SLC25A26: variants seen among roughly 807,000 people sequenced by gnomAD.
The protein encoded by SLC25A26 is mitochondrial S-adenosylmethionine carrier protein.
SLC25A26 carries 36 observed loss-of-function variants against 37.8 expected under a neutral mutation model. That is an observed-to-expected ratio of 0.95 (90% CI 0.73 to 1.26). SLC25A26 has a LOEUF of 1.26. Among genes scored for constraint, SLC25A26 ranks in the 50% most tolerant of loss-of-function variants. The probability of loss-of-function intolerance (pLI) is 0.00; values close to 1 mark genes in which losing one functional copy is unlikely to be tolerated. For synonymous variants in SLC25A26, 129 were observed against 122.5 expected, an observed-to-expected ratio of 1.05 and a Z score of -0.35; for missense variants, 390 against 331.1, an observed-to-expected ratio of 1.18 and a Z score of -1.38.
chr3:66,245,338 C>G (rs2072783456), intron 3 of SLC25A26, among the ~76,000 whole-genome samples: 1 of 151,316 alleles, frequency 6.6e-6, no homozygotes, highest in East Asian at 1.9e-4. Context: ...CCCTCATTAA[C>G]TTATCTTTCT....
At chr3:66,167,457 G>T (rs1173815465) in intron 1 of SLC25A26, among the ~76,000 whole-genome samples, 1 of 152,208 alleles carries the variant, frequency 6.6e-6, no homozygotes, top group Non-Finnish European at 1.5e-5. Flanking sequence ...TCTGGATCTA[G>T]CCAGACCTGA....
At chr3:66,376,998 T>C (rs143181157) in intron 9 of SLC25A26, among the ~76,000 whole-genome samples, 3 of 152,332 alleles carry the variant, frequency 2.0e-5, no homozygotes, top group South Asian at 2.1e-4. Flanking sequence ...CCATAACTTA[T>C]ATCACCATCA....
At chr3:66,138,978 T>C (rs1198861120) in intron 1 of SLC25A26, among the ~76,000 whole-genome samples, 1 of 152,114 alleles carries the variant, frequency 6.6e-6, no homozygotes, top group East Asian at 1.9e-4. Flanking sequence ...CAGGAGTAGA[T>C]TGATTGATTA....
chr3:66,208,527 A>T (rs2071210437), intron 1 of SLC25A26, among the ~76,000 whole-genome samples: 1 of 151,598 alleles, frequency 6.6e-6, no homozygotes, highest in Non-Finnish European at 1.5e-5. Context: ...TAGGAGCAGG[A>T]CAACCCACTT....
chr3:66,268,599 C>T (rs954549156), intron 5 of SLC25A26, among the ~76,000 whole-genome samples: 4 of 152,188 alleles, frequency 2.6e-5, no homozygotes, highest in Admixed American at 2.6e-4. Flanking sequence ...TAATGCCTGT[C>T]ACACAGTACG....
chr3:66,247,129 G>A (rs1157538144), intron 3 of SLC25A26, among the ~76,000 whole-genome samples: 1 of 152,206 alleles, frequency 6.6e-6, no homozygotes, highest in East Asian at 1.9e-4. Context: ...CTCCTAAAGT[G>A]CTGGGATTAC....
chr3:66,306,709 ATGTGT>A (rs1050705146), intron 5 of SLC25A26, among the ~76,000 whole-genome samples: 11 of 151,990 alleles, frequency 7.2e-5, no homozygotes, highest in African/African-American at 2.4e-4. Flanking sequence ...CCCTGGGTCC[ATGTGT>A]TCTCATTGTT....
chr3:66,189,479 C>T (rs1368539854), intron 1 of SLC25A26, among the ~76,000 whole-genome samples: 1 of 152,022 alleles, frequency 6.6e-6, no homozygotes, highest in African/African-American at 2.4e-5. Context: ...CCCTTATTGT[C>T]ACCCTGACCC....
intron 1 of SLC25A26, among the ~76,000 whole-genome samples, chr3:66,171,239 G>T (rs1381094780): frequency 1.3e-5 from 2 of 152,168 alleles, no homozygotes; most frequent in Non-Finnish European, 2.9e-5. Context: ...GGTAAACTGA[G>T]ATTGGAATGC....
At chr3:66,241,484 G>A (rs146036896) in intron 2 of SLC25A26, among the ~76,000 whole-genome samples, 96 of 152,250 alleles carry the variant, frequency 6.3e-4, no homozygotes, top group African/African-American at 2.1e-3. Flanking sequence ...GCTGTAGTGC[G>A]TAGGTTACAT....
chr3:66,302,483 CT>C (rs11341388), intron 5 of SLC25A26, among the ~76,000 whole-genome samples: 16,060 of 152,076 alleles, frequency 0.11, 1,518 homozygotes, highest in African/African-American at 0.25. Context: ...TGTTTTGACA[CT>C]TTTCTCATTC....
intron 1 of SLC25A26, among the ~76,000 whole-genome samples, chr3:66,209,088 A>T (rs1459682209): frequency 8.4e-5 from 3 of 35,596 alleles, no homozygotes; most frequent in East Asian, 7.7e-4. Context: ...CCATATAAAG[A>T]TGTATATATA....
At chr3:66,148,757 G>A (rs1472052561) in intron 1 of SLC25A26, among the ~76,000 whole-genome samples, 1 of 152,094 alleles carries the variant, frequency 6.6e-6, no homozygotes, top group African/African-American at 2.4e-5. Flanking sequence ...AAAATGTAGA[G>A]ATGTTGCCCA....
intron 5 of SLC25A26, among the ~76,000 whole-genome samples, chr3:66,276,546 A>G (rs919730291): frequency 1.3e-5 from 2 of 152,206 alleles, no homozygotes. Context: ...TGCTTCTAAA[A>G]CAGCCATTAA....
In SLC25A26 at chr3:66,273,153, A is replaced by G. The variant is rs554297327; in HGVS notation, c.453+9774A>G. ...TCCCAGGGATGAAGCCCACTTGATCATGGTGGATAAGCTTTTTGGTGTGCT... is the reference window on the plus strand; with the variant it reads ...TCCCAGGGATGAAGCCCACTTGATCGTGGTGGATAAGCTTTTTGGTGTGCT... On this transcript the variant is annotated intron_variant, in intron 5 of 9. Transcript: ENST00000354883. Among the ~76,000 whole-genome samples the G allele has an allele frequency of 2.2e-3, 329 of 152,262 alleles. 1 individual carries two copies. The highest frequency in any genetic ancestry group is 7.7e-3 in the African/African-American group (318 of 41,552).
intron 5 of SLC25A26, among the ~76,000 whole-genome samples, chr3:66,324,958 G>C (rs1192266526): frequency 6.6e-6 from 1 of 152,144 alleles, no homozygotes; most frequent in Non-Finnish European, 1.5e-5. Flanking sequence ...GTGTATATAT[G>C]TACCCAGGAA....
At chr3:66,271,714 C>G (rs866210342) in intron 5 of SLC25A26, among the ~76,000 whole-genome samples, 1 of 152,102 alleles carries the variant, frequency 6.6e-6, no homozygotes, top group South Asian at 2.1e-4. Context: ...TCAAACCCTT[C>G]CAGCTAAAGT....
chr3:66,218,391 C>A (rs986337689), upstream of SLC25A26, among the ~76,000 whole-genome samples: 17,609 of 152,098 alleles, frequency 0.12, 1,149 homozygotes, highest in East Asian at 0.28. Context: ...ATATAAAATT[C>A]GAAACAGCAA....
At chr3:66,304,854 A>G (rs964974414) in intron 5 of SLC25A26, among the ~76,000 whole-genome samples, 2 of 152,214 alleles carry the variant, frequency 1.3e-5, no homozygotes, top group African/African-American at 4.8e-5. Context: ...TAAGAGGATG[A>G]CTTATAACAT....
Sources: allele counts gnomAD v4.1 joint callset (sites outside exome capture counted in the v4.1 genomes callset), GRCh38; gene constraint gnomAD v4.1.1; transcripts MANE v1.5; gene names NCBI Gene and HGNC (gene_info 2026-07-23, HGNC 2026-07-21).